The following CCDC39 variants were observed in gnomAD, a reference collection of about 807,000 sequenced individuals.
The protein encoded by CCDC39 is coiled-coil domain 39 molecular ruler complex subunit, also known as coiled-coil domain-containing protein 39.
A neutral mutation model predicts 121.0 loss-of-function variants in CCDC39; 113 were observed. The ratio of observed to expected loss-of-function variants is 0.93; its 90% CI spans 0.80 to 1.09. CCDC39 has a LOEUF of 1.09. CCDC39 is among the 50% of genes least tolerant of loss of function. The pLI is 0.00. For missense variants in CCDC39, 1,063 were observed against 1,074.7 expected, an observed-to-expected ratio of 0.99 and a Z score of 0.15; for synonymous variants, 349 against 352.2, an observed-to-expected ratio of 0.99 and a Z score of 0.10.
At chr3:180,640,028 A>T (rs574338639) in intron 13 of CCDC39, among the ~76,000 whole-genome samples, 1 of 152,212 alleles carries the variant, frequency 6.6e-6, no homozygotes, top group South Asian at 2.1e-4. Flanking sequence ...AACTATATGG[A>T]TGAAAAGGAG....
At chr3:180,629,417 A>G (rs1364424178) in intron 14 of CCDC39, among the ~76,000 whole-genome samples, 1 of 152,242 alleles carries the variant, frequency 6.6e-6, no homozygotes, top group Non-Finnish European at 1.5e-5. Context: ...GTTAGTTATC[A>G]TCTATACCTA....
At chr3:180,672,965 T>G (rs1249589868) in intron 1 of CCDC39, among the ~76,000 whole-genome samples, 3 of 152,172 alleles carry the variant, frequency 2.0e-5, no homozygotes, top group Non-Finnish European at 4.4e-5. Flanking sequence ...GGTTCAAGAC[T>G]TCAGTGGAGG....
intron 13 of CCDC39, among the ~76,000 whole-genome samples, chr3:180,633,116 C>G (rs1370930492): frequency 1.3e-5 from 2 of 152,222 alleles, no homozygotes; most frequent in Non-Finnish European, 2.9e-5. Flanking sequence ...AGCTATTACG[C>G]TCTTTACAGG....
chr3:180,631,620 T>C, intron 13 of CCDC39, 28 bp from the exon 14 acceptor site: 1 of 1,578,482 alleles, frequency 6.3e-7, no homozygotes, highest in Non-Finnish European at 8.6e-7. Context: ...CACTGAGAAA[T>C]GAATAACATA....
intron 11 of CCDC39, among the ~76,000 whole-genome samples, chr3:180,645,644 T>C (rs1240281605): frequency 6.6e-6 from 1 of 152,156 alleles, no homozygotes; most frequent in Non-Finnish European, 1.5e-5. Context: ...AAGAAACTAT[T>C]TTCTGTATGT....
At chr3:180,657,886 C>T (rs1202127168) in intron 6 of CCDC39, among the ~76,000 whole-genome samples, 6 of 152,178 alleles carry the variant, frequency 3.9e-5, no homozygotes, top group African/African-American at 1.4e-4. Flanking sequence ...ATTAATTTTG[C>T]TTCAGCTTCT....
intron 13 of CCDC39, among the ~76,000 whole-genome samples, chr3:180,636,749 C>T (rs770439751): frequency 6.6e-6 from 1 of 150,604 alleles, no homozygotes; most frequent in Non-Finnish European, 1.5e-5. Flanking sequence ...CAGACCAATG[C>T]AACAGGAGAG....
At chr3:180,677,048 T>C (rs949327585) in intron 1 of CCDC39, among the ~76,000 whole-genome samples, 1 of 149,232 alleles carries the variant, frequency 6.7e-6, no homozygotes, top group Non-Finnish European at 1.5e-5. Flanking sequence ...CTAATGTAAA[T>C]GATGAGTTAA....
chr3:180,644,746 G>T (rs986432758), intron 11 of CCDC39, among the ~76,000 whole-genome samples: 1 of 152,108 alleles, frequency 6.6e-6, no homozygotes, highest in Admixed American at 6.6e-5. Context: ...ATATCATTTA[G>T]GGAATAATGA....
chr3:180,617,386 C>A, intron 16 of CCDC39: 1 of 627,254 alleles, frequency 1.6e-6, no homozygotes, highest in Admixed American at 2.3e-5. Context: ...ACAGTGTACT[C>A]CTATTTATTT....
Position 180,679,232 on chromosome 3 carries a change from C to T in CCDC39, c.90+59G>A. On this transcript the variant is annotated intron_variant, in intron 1 of 19. Coordinates refer to ENST00000476379, the MANE Select transcript of CCDC39 (RefSeq NM_181426.2). The surrounding 1 kb of genome is among the most constrained non-coding windows in gnomAD (Gnocchi z 4.0). ...AAAGGGCTGGGGTAGTACTGCCAAC[C>T]AGAAAACGCCCCCAACAGGCTCTCT... The T allele has an allele frequency of 2.2e-6, 3 of 1,387,122 alleles. No homozygotes were observed. Among genetic ancestry groups the T allele is most frequent in the Non-Finnish European group, 3.1e-6 (3 of 972,646 alleles). The allele number at this position is 1,387,122 out of a possible 1,614,324, so 85.9% of individuals were successfully genotyped here.
intron 16 of CCDC39, 127 bp from the exon 17 acceptor site, chr3:180,617,093 A>G (rs1717275774): frequency 1.7e-6 from 1 of 591,784 alleles, no homozygotes; most frequent in Non-Finnish European, 2.8e-6. Context: ...ATTTCTGTTG[A>G]TGTACCTCTT....
intron 3 of CCDC39, 136 bp downstream of exon 3, chr3:180,661,725 G>T: frequency 1.4e-6 from 1 of 709,554 alleles, no homozygotes. Context: ...GCCTTTCACT[G>T]TCCAAAAAAT....
At chr3:180,631,222 G>A (rs551478253) in intron 14 of CCDC39, among the ~76,000 whole-genome samples, 1 of 152,142 alleles carries the variant, frequency 6.6e-6, no homozygotes, top group African/African-American at 2.4e-5. Context: ...GGAATCAGAG[G>A]GCAGTGCTTG....
At chr3:180,617,893 T>TCACC (rs1424933500) in intron 16 of CCDC39, 1 of 156,894 alleles carries the variant, frequency 6.4e-6, no homozygotes, top group Non-Finnish European at 1.4e-5. Flanking sequence ...TCACATTCTC[T>TCACC]CACCACTCAC....
At chr3:180,666,344 GTA>G (rs1330935814) in intron 1 of CCDC39, among the ~76,000 whole-genome samples, 2 of 152,060 alleles carry the variant, frequency 1.3e-5, no homozygotes, top group Non-Finnish European at 2.9e-5. Context: ...TGTTTTATGG[GTA>G]TGTTTTAAGG....
chr3:180,653,727 G>A (rs1174772241), intron 7 of CCDC39, among the ~76,000 whole-genome samples: 2 of 152,134 alleles, frequency 1.3e-5, no homozygotes, highest in African/African-American at 4.8e-5. Context: ...AAATAGTGCA[G>A]TCATCCATTG....
chr3:180,677,163 TAATTTTATATA>T (rs1446988084), intron 1 of CCDC39, among the ~76,000 whole-genome samples: 1 of 87,670 alleles, frequency 1.1e-5, no homozygotes, highest in African/African-American at 5.7e-5. Flanking sequence ...ATAATAATAA[TAATTTTATATA>T]TATATATATA....
chr3:180,639,956 C>T (rs1456819476), intron 13 of CCDC39, among the ~76,000 whole-genome samples: 1 of 151,898 alleles, frequency 6.6e-6, no homozygotes, highest in Non-Finnish European at 1.5e-5. Flanking sequence ...TGAAAAAAGC[C>T]AGACAAAAGG....
Sources: allele counts gnomAD v4.1 joint callset (sites outside exome capture counted in the v4.1 genomes callset), GRCh38; gene constraint gnomAD v4.1.1; non-coding constraint Gnocchi (gnomAD v3.1); transcripts MANE v1.5; gene names NCBI Gene and HGNC (gene_info 2026-07-23, HGNC 2026-07-21).